Variants in ANO6 observed in about 807,000 individuals in gnomAD.
ANO6 encodes the protein anoctamin-6.
Under a neutral mutation model 117.5 loss-of-function variants are expected in ANO6, and 106 were observed. The observed-to-expected ratio is 0.90, with a 90% CI of 0.77 to 1.06. ANO6 has a LOEUF of 1.06. Among genes scored for constraint, ANO6 ranks in the 50% least tolerant of loss-of-function variants. ANO6 has a pLI of 0.00. For synonymous variants in ANO6, 367 were observed against 385.1 expected, an observed-to-expected ratio of 0.95 and a Z score of 0.55; for missense variants, 955 against 1,121.1, an observed-to-expected ratio of 0.85 and a Z score of 2.12.
At chr12:45,328,260 G>A (rs916935598) in intron 2 of ANO6, among the ~76,000 whole-genome samples, 1 of 152,048 alleles carries the variant, frequency 6.6e-6, no homozygotes, top group Non-Finnish European at 1.5e-5. Flanking sequence ...GCTCCCCTGT[G>A]TGTCCAGAGT....
chr12:45,421,112 A>C lies in ANO6; in HGVS notation c.2259A>C (p.Leu753=), dbSNP rs1261801704. ...IAFTSDMIPR[L]VYYWSFSVPP... ...TCACGTCGGACATGATCCCCCGCCT[A>C]GTGTACTACTGGTCCTTCTCCGTCC... Residue 753 remains leucine, a synonymous_variant, in exon 18 of 20, where the codon CTA becomes CTC. Transcript: ENST00000320560. 1.2e-6 allele frequency: 2 copies of C among 1,614,240 alleles called. No homozygotes were observed. The highest frequency in any genetic ancestry group is 2.2e-5 in the East Asian group (1 of 44,886).
At chr12:45,389,148 C>T (rs1942376051) in intron 11 of ANO6, among the ~76,000 whole-genome samples, 1 of 152,182 alleles carries the variant, frequency 6.6e-6, no homozygotes, top group Admixed American at 6.5e-5. Flanking sequence ...AATTGAATCA[C>T]AGATTTACAA....
At chr12:45,313,220 G>A (rs1475531102) in intron 2 of ANO6, 3 of 151,930 alleles carry the variant, frequency 2.0e-5, no homozygotes, top group African/African-American at 4.8e-5. Flanking sequence ...TCTGAAGGTT[G>A]CCCTAGGAAG....
chr12:45,363,351 TC>T (rs1242387072), intron 8 of ANO6, among the ~76,000 whole-genome samples: 1 of 151,850 alleles, frequency 6.6e-6, no homozygotes, highest in African/African-American at 2.4e-5. Context: ...GATCACGAGG[TC>T]AGGAGTTTGA....
chr12:45,358,321 C>G (rs1343141327), intron 8 of ANO6, among the ~76,000 whole-genome samples: 1 of 152,138 alleles, frequency 6.6e-6, no homozygotes, highest in Non-Finnish European at 1.5e-5. Flanking sequence ...GCATGTTGTA[C>G]CCATTATGGC....
chr12:45,426,283 A>G (rs17095884), intron 19 of ANO6, among the ~76,000 whole-genome samples: 3,058 of 152,350 alleles, frequency 0.02, 43 homozygotes, highest in East Asian at 0.038. Context: ...TACCTCAGAA[A>G]TAGATGAAAG....
rs77279171 is a variant in ANO6 at position 45,322,004 on chromosome 12, G to T, written c.151-9291G>T. Among the ~76,000 whole-genome samples the T allele has an allele frequency of 2.0e-5, 3 of 152,118 alleles. No individual in the cohort carries two copies. In the South Asian group the frequency reaches 6.2e-4, roughly 31 times the overall value. ...GTGGTGAAGAATGCCTGGTAGTCCA[G>T]TCTGGTGCCAATGTGGGATTGTGCT... is the stretch of plus-strand genomic sequence containing the variant. On this transcript the variant is annotated intron_variant, in intron 2 of 19. Coordinates refer to ENST00000320560, the MANE Select transcript of ANO6 (RefSeq NM_001025356.3).
At chr12:45,323,166 C>T (rs1206436308) in intron 2 of ANO6, among the ~76,000 whole-genome samples, 1 of 152,184 alleles carries the variant, frequency 6.6e-6, no homozygotes, top group African/African-American at 2.4e-5. Context: ...TTTAATCGCT[C>T]TTAACATATT....
Position 45,429,233 on chromosome 12 carries a change from T to G in ANO6, c.2655T>G (p.Asp885Glu). ...TTCTTCATGAGAATCACCTCAAAGA[T>G]ATGACGAAAAATATGGGGGTGATAG... ...QKLLHENHLK[D>E]MTKNMGVIAE... The change falls in exon 20 of 20, where the codon GAT (aspartate) becomes GAG (glutamate). Residue 885 changes from aspartate to glutamate, a missense_variant. By Grantham distance (45) the Asp-to-Glu change is conservative. Coordinates refer to ENST00000320560, the MANE Select transcript of ANO6 (RefSeq NM_001025356.3). 1.2e-6 allele frequency: 2 copies of G among 1,613,862 alleles called. No individual in the cohort carries two copies. The highest frequency in any genetic ancestry group is 1.7e-6 in the Non-Finnish European group (2 of 1,179,904).
At chr12:45,357,170 T>G (rs1019238025) in intron 7 of ANO6, 120 bp from the exon 8 acceptor site, 2 of 1,126,774 alleles carry the variant, frequency 1.8e-6, no homozygotes, top group African/African-American at 3.1e-5. Flanking sequence ...GTTTTAAGGG[T>G]GAATTGAGTC....
At chr12:45,372,874 A>G (rs1941886233) in intron 9 of ANO6, among the ~76,000 whole-genome samples, 1 of 152,320 alleles carries the variant, frequency 6.6e-6, no homozygotes, top group East Asian at 1.9e-4. Flanking sequence ...TTAACTTTAA[A>G]TGTCAATGGA....
At chr12:45,237,111 G>C (rs529630866) in intron 1 of ANO6, among the ~76,000 whole-genome samples, 1 of 152,218 alleles carries the variant, frequency 6.6e-6, no homozygotes, top group South Asian at 2.1e-4. Context: ...ATTCTTTGTA[G>C]ATTCTGGATA....
intron 6 of ANO6, among the ~76,000 whole-genome samples, chr12:45,349,332 C>A (rs998148830): frequency 2.0e-5 from 3 of 152,098 alleles, no homozygotes; most frequent in African/African-American, 7.2e-5. Context: ...TGGCAGTACC[C>A]CAGATGGTTG....
intron 3 of ANO6, among the ~76,000 whole-genome samples, chr12:45,332,271 G>GT (rs1940689888): frequency 6.7e-6 from 1 of 148,188 alleles, no homozygotes; most frequent in Non-Finnish European, 1.5e-5. Context: ...ACATATATGT[G>GT]TGCTCTCTCC....
chr12:45,297,888 T>C (rs1000546397), intron 1 of ANO6, among the ~76,000 whole-genome samples: 3 of 152,192 alleles, frequency 2.0e-5, no homozygotes, highest in Admixed American at 6.5e-5. Context: ...ATCTGTCTAG[T>C]GTGGCACTTA....
At chr12:45,440,110 A>T (rs1943754396) in exon 20 of ANO6, 1 of 577,822 alleles carries the variant, frequency 1.7e-6, no homozygotes, top group Non-Finnish European at 2.6e-6. Flanking sequence ...ACAAGCTTTT[A>T]TATGTATAGT....
chr12:45,230,183 C>T (rs1160444143), intron 1 of ANO6, among the ~76,000 whole-genome samples: 1 of 152,048 alleles, frequency 6.6e-6, no homozygotes. Flanking sequence ...TTGAGGAAAA[C>T]TTTCACTTCA....
At chr12:45,218,946 G>A (rs960637102) in intron 1 of ANO6, among the ~76,000 whole-genome samples, 1 of 152,102 alleles carries the variant, frequency 6.6e-6, no homozygotes. Context: ...CAGACTGGGA[G>A]AATTATTTTT....
intron 12 of ANO6, among the ~76,000 whole-genome samples, chr12:45,391,117 T>A (rs887256100): frequency 6.7e-6 from 1 of 149,800 alleles, no homozygotes; most frequent in African/African-American, 2.5e-5. Context: ...AGACTCCATC[T>A]CAAAAAAAAA....
Sources: gnomAD v4.1 joint callset for allele counts (sites outside exome capture counted in the v4.1 genomes callset) on GRCh38, gnomAD v4.1.1 for gene constraint, MANE v1.5 for transcripts, NCBI Gene and HGNC (gene_info 2026-07-23, HGNC 2026-07-21) for gene names.